The following AMBRA1 variants were observed in gnomAD, a reference collection of about 807,000 sequenced individuals.
AMBRA1 encodes activating molecule in BECN1-regulated autophagy protein 1.
AMBRA1 carries 47 observed loss-of-function variants against 125.4 expected under a neutral mutation model. The observed-to-expected ratio is 0.37, with a 90% CI of 0.30 to 0.48. AMBRA1 has a LOEUF of 0.48. AMBRA1 is among the 20% of genes least tolerant of loss of function. The probability of loss-of-function intolerance (pLI) is 0.99; values close to 1 mark genes in which losing one functional copy is unlikely to be tolerated. For synonymous variants in AMBRA1, 626 were observed against 655.5 expected (o/e 0.95, Z 0.69); for missense variants, 1,331 against 1,693.4 (o/e 0.79, Z 3.76).
intron 1 of AMBRA1, among the ~76,000 whole-genome samples, chr11:46,558,609 G>A (rs2043233237): frequency 6.9e-6 from 1 of 145,702 alleles, no homozygotes; most frequent in South Asian, 2.2e-4. Flanking sequence ...ATATCTAGCT[G>A]ACAAATATCA....
At chr11:46,436,689 C>T (rs1294759120) in intron 12 of AMBRA1, among the ~76,000 whole-genome samples, 1 of 152,152 alleles carries the variant, frequency 6.6e-6, no homozygotes, top group African/African-American at 2.4e-5. Context: ...TATCCCTCTC[C>T]TTTTCTGGAT....
intron 7 of AMBRA1, among the ~76,000 whole-genome samples, chr11:46,529,173 C>T (rs1215183563): frequency 6.6e-6 from 1 of 152,218 alleles, no homozygotes; most frequent in East Asian, 1.9e-4. Flanking sequence ...TGCAGGCATT[C>T]TTCTCCAAGA....
chr11:46,524,601 C>T (rs1417245496), intron 7 of AMBRA1, among the ~76,000 whole-genome samples: 1 of 152,238 alleles, frequency 6.6e-6, no homozygotes, highest in Non-Finnish European at 1.5e-5. Flanking sequence ...TTATCCTCTG[C>T]TTCCACATTT....
intron 14 of AMBRA1, among the ~76,000 whole-genome samples, chr11:46,419,993 A>ACACACACACACAC (rs1189328993): frequency 2.4e-3 from 9 of 3,718 alleles, no homozygotes; most frequent in African/African-American, 6.0e-3. Flanking sequence ...ACGTGTCCTC[A>ACACACACACACAC]ATACACACAC....
chr11:46,564,318 C>T (rs1245353099), intron 1 of AMBRA1, among the ~76,000 whole-genome samples: 1 of 151,160 alleles, frequency 6.6e-6, no homozygotes, highest in Non-Finnish European at 1.5e-5. Flanking sequence ...CTTAAAGCAA[C>T]ATATTATCTA....
chr11:46,499,934 G>A (rs547986925), intron 9 of AMBRA1, among the ~76,000 whole-genome samples: 101 of 152,284 alleles, frequency 6.6e-4, no homozygotes, highest in African/African-American at 2.3e-3. Flanking sequence ...TTACAGGCAT[G>A]AGCCACCGCC....
rs892602762 is a variant in AMBRA1, at chr11:46,506,173, G to A, written c.2339+2018C>T. On this transcript the variant is annotated intron_variant, in intron 9 of 17. Coordinates refer to ENST00000683756, the MANE Select transcript of AMBRA1 (RefSeq NM_001387011.1). ...TCCATTTCCTTCACTGCTGATATAC[G>A]CATCCACCTCACCCTAGAGTGGACA... Among the ~76,000 whole-genome samples, 15 of 152,234 alleles carry A rather than the reference G, an allele frequency of 9.9e-5. No individual in the cohort carries two copies. In the East Asian group the frequency reaches 2.9e-3, roughly 29 times the overall value.
chr11:46,404,843 A>G (rs532272723), intron 17 of AMBRA1, among the ~76,000 whole-genome samples: 9 of 152,294 alleles, frequency 5.9e-5, no homozygotes, highest in African/African-American at 2.2e-4. Context: ...CTTATAATTG[A>G]CTAGAAGCCA....
chr11:46,430,063 C>A (rs541633315), intron 14 of AMBRA1, among the ~76,000 whole-genome samples: 2 of 151,698 alleles, frequency 1.3e-5, no homozygotes, highest in Admixed American at 6.6e-5. Flanking sequence ...AGGACTAGCA[C>A]GATAAACAGA....
At chr11:46,574,325 CTGT>C (rs1360886644) in intron 1 of AMBRA1, among the ~76,000 whole-genome samples, 3 of 147,104 alleles carry the variant, frequency 2.0e-5, no homozygotes, top group African/African-American at 7.7e-5. Flanking sequence ...TCTCCAGCAC[CTGT>C]TGTTTCCTGA....
At chr11:46,454,579 C>G (rs896863749) in intron 11 of AMBRA1, among the ~76,000 whole-genome samples, 1 of 50,500 alleles carries the variant, frequency 2.0e-5, no homozygotes, top group Non-Finnish European at 5.4e-5. Context: ...ACTAAAAATA[C>G]AAAAAAAAAA....
At position 46,408,690 on chromosome 11, in the gene AMBRA1, A is replaced by G. The variant is rs1349667628; in HGVS notation, c.3226T>C (p.Trp1076Arg). The G allele has an allele frequency of 6.4e-7, 1 of 1,558,850 alleles. No homozygotes were observed. Among genetic ancestry groups the G allele is most frequent in the Middle Eastern group, 1.7e-4 (1 of 5,788 alleles). Residue 1076 changes from tryptophan (W) to arginine (R), a missense_variant, in exon 17 of 18, where the codon TGG becomes CGG. By Grantham distance (101) the Trp-to-Arg change is moderately radical (BLOSUM62 -3). Around this residue, in one of 4 missense-constraint regions of AMBRA1, gnomAD observed 354 missense variants for 532.7 expected, o/e 0.66. Transcript: ENST00000683756. ...SERPGTSRAT[W>R]RTDRDMGLMN... is the part of the protein sequence containing the mutation. ...AGCCCCATGTCTCTGTCTGTCCTCC[A>G]TGTGGCTCTGCTGGTTCTAGGGAGA...
intron 1 of AMBRA1, among the ~76,000 whole-genome samples, chr11:46,553,791 A>G (rs2043087870): frequency 6.6e-6 from 1 of 152,078 alleles, no homozygotes; most frequent in Non-Finnish European, 1.5e-5. Context: ...CCAAGTTCCT[A>G]GTCCTACACA....
intron 11 of AMBRA1, among the ~76,000 whole-genome samples, chr11:46,461,615 T>C (rs2136836749): frequency 6.6e-6 from 1 of 152,336 alleles, no homozygotes; most frequent in African/African-American, 2.4e-5. Flanking sequence ...AGGCAGAAAG[T>C]CTACATTCTG....
At chr11:46,538,597 T>A (rs1368625328) in intron 7 of AMBRA1, among the ~76,000 whole-genome samples, 1 of 152,080 alleles carries the variant, frequency 6.6e-6, no homozygotes, top group Non-Finnish European at 1.5e-5. Context: ...CGGGTCCAAG[T>A]GATTCTCCTG....
At chr11:46,506,364 C>T (rs1225106355) in intron 9 of AMBRA1, among the ~76,000 whole-genome samples, 1 of 152,244 alleles carries the variant, frequency 6.6e-6, no homozygotes, top group South Asian at 2.1e-4. Context: ...AAACCTCCCA[C>T]TTAGTTTTCC....
chr11:46,563,110 C>T (rs538344574), intron 1 of AMBRA1, among the ~76,000 whole-genome samples: 1 of 152,224 alleles, frequency 6.6e-6, no homozygotes, highest in East Asian at 1.9e-4. Context: ...AATAATTATA[C>T]ATAACATTTG....
rs1949096714 is a variant in AMBRA1, at chr11:46,461,711, C to CT, written c.2522-18114dup. On this transcript the variant is annotated intron_variant, in intron 11 of 17. Transcript: ENST00000683756. ...GAATCAAGTTCATACCATGTAAAGC[C>CT]TGAGCTACTGCACTGGTGAAACTAT... 2.0e-5 allele frequency among the ~76,000 whole-genome samples: 3 copies of CT among 152,222 alleles called. No individual in the cohort carries two copies. The South Asian group carries it at 6.2e-4, about 31-fold the overall frequency.
chr11:46,479,104 C>T (rs58147945), intron 11 of AMBRA1, among the ~76,000 whole-genome samples: 1 of 151,524 alleles, frequency 6.6e-6, no homozygotes, highest in South Asian at 2.1e-4. Flanking sequence ...AGGCTGAGGC[C>T]GGGGAATCAC....
Sources: allele counts gnomAD v4.1 joint callset (sites outside exome capture counted in the v4.1 genomes callset), GRCh38; gene constraint gnomAD v4.1.1; regional missense constraint gnomAD v4.1.1; transcripts MANE v1.5; gene names NCBI Gene and HGNC (gene_info 2026-07-23, HGNC 2026-07-21).